Variants in FCSK observed in about 807,000 individuals in gnomAD.
The protein encoded by FCSK is L-fucose kinase.
A neutral mutation model predicts 122.5 loss-of-function variants in FCSK; 123 were observed. That is an observed-to-expected ratio of 1.00 (90% CI 0.87 to 1.17). FCSK has a LOEUF of 1.17. Among genes scored for constraint, FCSK ranks in the 50% most tolerant of loss-of-function variants. The pLI is 0.00. For synonymous variants in FCSK, 620 were observed against 625.5 expected, an observed-to-expected ratio of 0.99 and a Z score of 0.13; for missense variants, 1,366 against 1,450.4, an observed-to-expected ratio of 0.94 and a Z score of 0.95.
Position 70,463,249 on chromosome 16 carries a change from AC to A in FCSK, c.60del (p.Asp20GlufsTer52). On this transcript the variant is annotated frameshift_variant, in exon 2 of 24. Transcript: ENST00000288078. LOFTEE classifies it high-confidence loss of function. The part of the protein sequence containing the change: ...TVIILTCQYK[D>X]SVQVFQRELE... ...ATCATCCTGACCTGCCAGTACAAGG[AC>A]AGTGTCCAGGTCTTTCAGAGAGGTA... 4 of 1,613,932 alleles carry A rather than the reference AC, an allele frequency of 2.5e-6. No homozygotes were observed. Among genetic ancestry groups the A allele is most frequent in the Non-Finnish European group, 3.4e-6 (4 of 1,179,920 alleles).
rs1405458074 is a variant in FCSK, at chr16:70,465,197, G to A, written c.285+21G>A. 3.1e-6 allele frequency: 5 copies of A among 1,591,604 alleles called. No homozygotes were observed. In the Admixed American group the frequency reaches 8.5e-5, roughly 27 times the overall value. On this transcript the variant is annotated intron_variant, in intron 4 of 23. Transcript: ENST00000288078. ...ACATGGTAAATGAACTTTGGGGCAG[G>A]GGCCAAGCAGAAGGCCAGAATCCCA...
intron 3 of FCSK, among the ~76,000 whole-genome samples, chr16:70,464,487 A>C (rs556465337): frequency 6.6e-6 from 1 of 152,102 alleles, no homozygotes; most frequent in Non-Finnish European, 1.5e-5. Flanking sequence ...CCCCGTCTCT[A>C]CTAAAAATAC....
chr16:70,467,352 T>G lies in FCSK; in HGVS notation c.485-22T>G, dbSNP rs369776864. The G allele has an allele frequency of 1.0e-3, 1,585 of 1,577,734 alleles. 7 individuals carry two copies. The highest frequency in any genetic ancestry group is 6.1e-3 in the South Asian group (530 of 87,146). ...CCTTGGGTGGAGGCCCCTGGGAGCC[T>G]CCTGACTGCCCCACCCCACAGGTAT... On this transcript the variant is annotated intron_variant, in intron 6 of 23. Coordinates refer to ENST00000288078, the MANE Select transcript of FCSK (RefSeq NM_145059.3).
intron 22 of FCSK, 180 bp downstream of exon 22, chr16:70,478,830 A>C (rs1183184891): frequency 1.4e-6 from 1 of 711,600 alleles, no homozygotes; most frequent in African/African-American, 1.7e-5. Context: ...ACATCTGAGG[A>C]CAAAATTTTC....
chr16:70,479,456 C>T, intron 23 of FCSK, 53 bp downstream of exon 23: 1 of 1,531,396 alleles, frequency 6.5e-7, no homozygotes, highest in Non-Finnish European at 8.9e-7. Flanking sequence ...AGAGACCTCA[C>T]TGTGGCCCAC....
chr16:70,473,165 G>A lies in FCSK; in HGVS notation c.1589G>A (p.Trp530Ter), dbSNP rs1421799342. The A allele has an allele frequency of 6.5e-7, 1 of 1,544,928 alleles. No homozygotes were observed. ...RAWRASWRLS[W>*]EQLQPCLDRA... ...TGGCGGGCCTCCTGGCGCCTGTCCT[G>A]GGAGCAGCTGCAGCCGTGCCTGGAT... Residue 530 changes from tryptophan to a stop codon, truncating the protein, a stop_gained, in exon 15 of 24, where the codon TGG becomes TAG. Coordinates refer to ENST00000288078, the MANE Select transcript of FCSK (RefSeq NM_145059.3). LOFTEE classifies it high-confidence loss of function. The surrounding 1 kb of genome is among the most constrained non-coding windows in gnomAD (Gnocchi z 4.9).
intron 20 of FCSK, 130 bp downstream of exon 20, chr16:70,475,897 T>C: frequency 1.0e-6 from 1 of 986,164 alleles, no homozygotes; most frequent in East Asian, 2.9e-5. Flanking sequence ...TTGGAAATAC[T>C]TTCCTTCTAG....
At chr16:70,460,124 T>TTTTTTTTG (rs2048217706) in intron 1 of FCSK, among the ~76,000 whole-genome samples, 1 of 136,056 alleles carries the variant, frequency 7.3e-6, no homozygotes, top group Admixed American at 7.0e-5. Context: ...TTTTTTTTTT[T>TTTTTTTTG]GAGACGGTGT....
At chr16:70,465,284 C>T in intron 4 of FCSK, 108 bp downstream of exon 4, 1 of 1,102,188 alleles carries the variant, frequency 9.1e-7, no homozygotes, top group Non-Finnish European at 1.3e-6. Context: ...AAGATGAAAT[C>T]TGAAAGATTC....
At chr16:70,468,214 G>C (rs1235333218) in intron 8 of FCSK, among the ~76,000 whole-genome samples, 1 of 152,318 alleles carries the variant, frequency 6.6e-6, no homozygotes, top group East Asian at 1.9e-4. Context: ...TTGAGGTCAG[G>C]AGTTCGAGAC....
intron 9 of FCSK, 23 bp from the exon 10 acceptor site, chr16:70,469,129 T>C: frequency 1.2e-6 from 2 of 1,613,676 alleles, no homozygotes. Flanking sequence ...TGCCAATAGC[T>C]GTGCTTCTTC....
chr16:70,460,666 G>T (rs1398571676), intron 1 of FCSK, among the ~76,000 whole-genome samples: 2 of 152,222 alleles, frequency 1.3e-5, no homozygotes, highest in African/African-American at 4.8e-5. Context: ...GCCTCCCAAA[G>T]TGCTGGGATT....
chr16:70,467,450 C>T lies in FCSK; in HGVS notation c.561C>T (p.Gly187=), dbSNP rs760778219. Residue 187 remains glycine, a synonymous_variant, in exon 7 of 24, where the codon GGC becomes GGT. Coordinates refer to ENST00000288078, the MANE Select transcript of FCSK (RefSeq NM_145059.3). ...GCCCGGCCTACGCTCAGAATCATGG[C>T]GTCTACCTAACTGACCCCCAGGTAG... ...PGSPAYAQNH[G]VYLTDPQGLV... 3.7e-6 allele frequency: 6 copies of T among 1,606,334 alleles called. No homozygotes were observed. The highest frequency in any genetic ancestry group is 1.7e-4 in the Middle Eastern group (1 of 6,058).
At chr16:70,456,144 C>A (rs1455158031) in intron 1 of FCSK, among the ~76,000 whole-genome samples, 4 of 152,190 alleles carry the variant, frequency 2.6e-5, no homozygotes, top group Admixed American at 1.3e-4. Context: ...TGCGTTCCGC[C>A]CTCTGGTGAC....
rs780390731 is a variant in FCSK at position 70,463,075 on chromosome 16, C to T, written c.-22-94C>T. 203 of 752,220 alleles carry T rather than the reference C, an allele frequency of 2.7e-4. 2 individuals carry two copies. Among genetic ancestry groups the T allele is most frequent in the South Asian group, 1.6e-3 (85 of 52,948 alleles). The allele number at this position is 752,220 out of a possible 1,614,324, so 46.6% of individuals were successfully genotyped here. On this transcript the variant is annotated intron_variant, in intron 1 of 23. Transcript: ENST00000288078. ...ATGGTGATACCAACACGAATCTATA[C>T]ACATGTTAAAATCATAGAATTGTAT...
chr16:70,478,087 G>A (rs557962792), intron 20 of FCSK, 185 bp from the exon 21 acceptor site: 1 of 613,132 alleles, frequency 1.6e-6, no homozygotes, highest in Admixed American at 3.0e-5. Flanking sequence ...TTGCCCTAGA[G>A]TGAAGCCCAT....
At chr16:70,455,378 G>C (rs1486772243) in intron 1 of FCSK, among the ~76,000 whole-genome samples, 1 of 152,206 alleles carries the variant, frequency 6.6e-6, no homozygotes, top group Non-Finnish European at 1.5e-5. Flanking sequence ...CCAGCTACTT[G>C]GGAGGCTGAG....
At chr16:70,468,720 C>A in intron 8 of FCSK, 129 bp from the exon 9 acceptor site, 1 of 1,180,822 alleles carries the variant, frequency 8.5e-7, no homozygotes, top group South Asian at 1.4e-5. Flanking sequence ...CTGGAGTGGT[C>A]AGAAGGTGAC....
Position 70,479,199 on chromosome 16 carries a change from C to A in FCSK, c.2949C>A (p.Gly983=). Residue 983 remains glycine (G), a synonymous_variant, in exon 23 of 24, where the codon GGC becomes GGA. Coordinates refer to ENST00000288078, the MANE Select transcript of FCSK (RefSeq NM_145059.3). Reference sequence around the variant, plus strand: ...CCTCAGGAAGCCTGCCTCTGCTGGGCCAGTGCCTGACCTCGTACTGGGAGC... The same window carrying A: ...CCTCAGGAAGCCTGCCTCTGCTGGGACAGTGCCTGACCTCGTACTGGGAGC... ...GFRQGSLPLL[G]QCLTSYWEQK... is the part of the protein sequence containing the mutation. 1 of 1,613,430 alleles carries A rather than the reference C, an allele frequency of 6.2e-7. No homozygotes were observed. Among genetic ancestry groups the A allele is most frequent in the Non-Finnish European group, 8.5e-7 (1 of 1,179,992 alleles).
Sources: gnomAD v4.1 joint callset for allele counts (sites outside exome capture counted in the v4.1 genomes callset) on GRCh38, gnomAD v4.1.1 for gene constraint, Gnocchi (gnomAD v3.1) non-coding constraint, MANE v1.5 for transcripts, NCBI Gene and HGNC (gene_info 2026-07-23, HGNC 2026-07-21) for gene names.